CCDC30: variants seen among roughly 807,000 people sequenced by gnomAD.
CCDC30 encodes coiled-coil domain-containing protein 30.
CCDC30 carries 70 observed loss-of-function variants against 100.2 expected under a neutral mutation model. The ratio of observed to expected loss-of-function variants is 0.70; its 90% CI spans 0.58 to 0.85. The LOEUF (loss-of-function observed/expected upper bound fraction) is 0.85. Among genes scored for constraint, CCDC30 ranks in the 40% least tolerant of loss-of-function variants. CCDC30 has a pLI of 0.00. For synonymous variants in CCDC30, 233 were observed against 269.5 expected, an observed-to-expected ratio of 0.86 and a Z score of 1.33; for missense variants, 652 against 771.2, an observed-to-expected ratio of 0.85 and a Z score of 1.83.
At chr1:42,643,213 C>G (rs1332361921) in intron 13 of CCDC30, among the ~76,000 whole-genome samples, 1 of 152,168 alleles carries the variant, frequency 6.6e-6, no homozygotes, top group Admixed American at 6.5e-5. Flanking sequence ...TTCATTTAAT[C>G]CTGACACCAA....
At chr1:42,575,643 C>G (rs1645818893) in intron 7 of CCDC30, among the ~76,000 whole-genome samples, 1 of 640 alleles carries the variant, frequency 1.6e-3, no homozygotes, top group African/African-American at 2.4e-3. Flanking sequence ...GAGAGAGACC[C>G]TGTCTCAAAA....
intron 5 of CCDC30, 28 bp from the exon 6 acceptor site, chr1:42,498,790 C>G: frequency 2.7e-6 from 3 of 1,109,806 alleles, no homozygotes; most frequent in Non-Finnish European, 3.4e-6. Flanking sequence ...ATTGAGAAGT[C>G]TACAAGGTGT....
At chr1:42,497,176 G>T in exon 5 of CCDC30, 3 of 1,234,148 alleles carry the variant, frequency 2.4e-6, no homozygotes, top group Non-Finnish European at 3.0e-6. Context: ...AATAGGGTTC[G>T]ATCACTTGAC....
chr1:42,486,795 A>T (rs560492905), intron 3 of CCDC30, among the ~76,000 whole-genome samples: 103 of 152,260 alleles, frequency 6.8e-4, no homozygotes, highest in Admixed American at 1.0e-3. Context: ...TGACCTTGGG[A>T]ACTCCTGACA....
chr1:42,601,701 C>T lies in CCDC30; in HGVS notation c.1165-9277C>T, dbSNP rs983811370. Among the ~76,000 whole-genome samples, 3 of 152,044 alleles carry T rather than the reference C, an allele frequency of 2.0e-5. No individual in the cohort carries two copies. In the South Asian group the frequency reaches 6.2e-4, roughly 32 times the overall value. ...GCAAAGAACCTGTAAGCAAACACACCCTAGAAAGACAAAAAGAAGCCAGCC... is the reference window on the plus strand; with the variant it reads ...GCAAAGAACCTGTAAGCAAACACACTCTAGAAAGACAAAAAGAAGCCAGCC... On this transcript the variant is annotated intron_variant, in intron 10 of 16. Coordinates refer to ENST00000668663, the Ensembl canonical transcript of CCDC30.
At chr1:42,538,011 C>T (rs1644938473) in intron 6 of CCDC30, 1 of 150,172 alleles carries the variant, frequency 6.7e-6, no homozygotes, top group African/African-American at 2.5e-5. Flanking sequence ...AGTGTTTTCT[C>T]TTGTGGATAT....
intron 6 of CCDC30, among the ~76,000 whole-genome samples, chr1:42,538,511 T>C (rs1569963948): frequency 6.6e-6 from 1 of 151,532 alleles, no homozygotes; most frequent in South Asian, 2.1e-4. Flanking sequence ...AGGAGGATGG[T>C]TTGAGCCCAG....
chr1:42,508,352 C>T (rs577982365), intron 6 of CCDC30, among the ~76,000 whole-genome samples: 1 of 152,298 alleles, frequency 6.6e-6, no homozygotes, highest in Admixed American at 6.5e-5. Flanking sequence ...CAGCCCACTC[C>T]CCATGGGAGC....
chr1:42,552,035 G>A (rs1458999039), intron 6 of CCDC30, among the ~76,000 whole-genome samples: 1 of 151,992 alleles, frequency 6.6e-6, no homozygotes, highest in African/African-American at 2.4e-5. Flanking sequence ...CAAAGTGCTG[G>A]GATTACAAGC....
At chr1:42,517,990 T>A (rs1644581884) in intron 6 of CCDC30, among the ~76,000 whole-genome samples, 3 of 152,174 alleles carry the variant, frequency 2.0e-5, no homozygotes, top group Admixed American at 2.0e-4. Context: ...TTAGGATGGA[T>A]TGTTTTATTT....
chr1:42,468,084 CA>C (rs1162595292), intron 1 of CCDC30, among the ~76,000 whole-genome samples: 35 of 152,198 alleles, frequency 2.3e-4, no homozygotes, highest in Non-Finnish European at 1.5e-5. Context: ...ATTTAGTTTC[CA>C]GCATATGTCC....
At chr1:42,594,085 T>C (rs945434466) in intron 10 of CCDC30, 1 of 152,224 alleles carries the variant, frequency 6.6e-6, no homozygotes, top group African/African-American at 2.4e-5. Flanking sequence ...ATAATTCATA[T>C]AAATAAAGAC....
At chr1:42,648,714 A>T (rs1387753495) in intron 15 of CCDC30, among the ~76,000 whole-genome samples, 1 of 152,126 alleles carries the variant, frequency 6.6e-6, no homozygotes, top group Non-Finnish European at 1.5e-5. Context: ...GAAATAAATG[A>T]AATTGAGATT....
chr1:42,630,233 C>T (rs940725692), intron 11 of CCDC30, among the ~76,000 whole-genome samples: 3 of 151,918 alleles, frequency 2.0e-5, no homozygotes, highest in South Asian at 2.1e-4. Context: ...CTTTGGCCTC[C>T]GAAAGTGTTG....
chr1:42,545,996 A>G (rs1244098865), intron 6 of CCDC30, among the ~76,000 whole-genome samples: 1 of 151,642 alleles, frequency 6.6e-6, no homozygotes, highest in Non-Finnish European at 1.5e-5. Flanking sequence ...AAATTATGTG[A>G]GTGGAAAAAT....
intron 6 of CCDC30, among the ~76,000 whole-genome samples, chr1:42,560,069 A>C (rs1254160513): frequency 6.6e-6 from 1 of 152,176 alleles, no homozygotes; most frequent in Admixed American, 6.6e-5. Flanking sequence ...TTAAAGCAGA[A>C]ATCAAGAAGT....
chr1:42,506,132 T>C (rs925272896), intron 6 of CCDC30, among the ~76,000 whole-genome samples: 33 of 152,252 alleles, frequency 2.2e-4, no homozygotes, highest in African/African-American at 7.5e-4. Context: ...AAGCTGTAGA[T>C]AGCTTAAAAT....
chr1:42,525,335 C>T (rs1644707787), intron 6 of CCDC30, among the ~76,000 whole-genome samples: 1 of 152,082 alleles, frequency 6.6e-6, no homozygotes, highest in Admixed American at 6.5e-5. Context: ...CAGTTTTTCT[C>T]TCTTTGTTCT....
intron 12 of CCDC30, among the ~76,000 whole-genome samples, chr1:42,642,126 T>TGA (rs1164494344): frequency 1.3e-5 from 2 of 151,950 alleles, no homozygotes; most frequent in African/African-American, 2.4e-5. Flanking sequence ...CTTGGGAGGC[T>TGA]GAGGCAGGAG....
Sources: allele counts gnomAD v4.1 joint callset (sites outside exome capture counted in the v4.1 genomes callset), GRCh38; gene constraint gnomAD v4.1.1; transcripts MANE v1.5; gene names NCBI Gene and HGNC (gene_info 2026-07-23, HGNC 2026-07-21).